The following SLC5A11 variants were observed in gnomAD, a reference collection of about 807,000 sequenced individuals.
SLC5A11 encodes the protein sodium/myo-inositol cotransporter 2.
SLC5A11 carries 48 observed loss-of-function variants against 69.8 expected under a neutral mutation model. That is an observed-to-expected ratio of 0.69 (90% CI 0.55 to 0.87). SLC5A11 has a LOEUF of 0.87. SLC5A11 is among the 40% of genes least tolerant of loss of function. The pLI is 0.00. For missense variants in SLC5A11, 784 were observed against 866.1 expected (o/e 0.91, Z 1.19); for synonymous variants, 319 against 342.4 (o/e 0.93, Z 0.75).
At chr16:24,854,416 C>T (rs1355522545) in intron 1 of SLC5A11, among the ~76,000 whole-genome samples, 2 of 151,294 alleles carry the variant, frequency 1.3e-5, no homozygotes, top group African/African-American at 2.5e-5. Context: ...CCATCACTCC[C>T]CCTGTAAAGT....
intron 7 of SLC5A11, among the ~76,000 whole-genome samples, chr16:24,883,582 C>T (rs190280159): frequency 1.2e-3 from 189 of 152,248 alleles, no homozygotes; most frequent in African/African-American, 4.4e-3. Flanking sequence ...AATTATAGTT[C>T]GGTGTTAGGT....
rs869210839 is a variant in SLC5A11, at chr16:24,896,942, C to CTTTTTTTTTTTTTTTTT, written c.871-1020_871-1004dup. Among the ~76,000 whole-genome samples the CTTTTTTTTTTTTTTTTT allele has an allele frequency of 1.5e-4, 15 of 97,092 alleles. 5 individuals carry two copies. The highest frequency in any genetic ancestry group is 1.9e-4 in the Non-Finnish European group (10 of 52,668). 63.7% of individuals were successfully genotyped at this position (97,092 alleles called of 152,430 possible). A position where few individuals can be genotyped will look rare whatever the true frequency, so the allele number is the denominator to read the frequency against. ...CACCAGGAGTTAGACAACCTCCTTC[C>CTTTTTTTTTTTTTTTTT]TTTTTTTTTTTTTTTTTTTTTTTTT... On this transcript the variant is annotated intron_variant, in intron 9 of 15. Coordinates refer to ENST00000347898, the Ensembl canonical transcript of SLC5A11.
At position 24,874,097 on chromosome 16, in the gene SLC5A11, G is replaced by C. The variant is rs2047512161; in HGVS notation, c.373-1530G>C. 2.0e-5 allele frequency among the ~76,000 whole-genome samples: 3 copies of C among 152,288 alleles called. No homozygotes were observed. The South Asian group carries it at 6.2e-4, about 32-fold the overall frequency. On this transcript the variant is annotated intron_variant, in intron 5 of 15. Transcript: ENST00000347898. ...CCACCTCAGTCTCCCAAAGTGCTGG[G>C]ATTACAGGTGTGAGCCACCGCACCC...
At chr16:24,850,307 C>G (rs2059245220) in intron 1 of SLC5A11, among the ~76,000 whole-genome samples, 2 of 152,232 alleles carry the variant, frequency 1.3e-5, no homozygotes, top group South Asian at 4.1e-4. Flanking sequence ...AACCCCATGG[C>G]ATCAACGGGT....
At chr16:24,855,544 T>G (rs1410457656) in intron 1 of SLC5A11, among the ~76,000 whole-genome samples, 4 of 151,862 alleles carry the variant, frequency 2.6e-5, no homozygotes, top group African/African-American at 9.7e-5. Flanking sequence ...GAAGTTGCAG[T>G]GAGCTGTGAT....
intron 7 of SLC5A11, among the ~76,000 whole-genome samples, chr16:24,880,872 C>T (rs892954201): frequency 3.3e-5 from 5 of 152,224 alleles, no homozygotes; most frequent in South Asian, 2.1e-4. Context: ...ACCTCGCCAA[C>T]GTCGGTTATC....
chr16:24,848,641 A>C (rs1439590186), intron 1 of SLC5A11, among the ~76,000 whole-genome samples: 1 of 152,108 alleles, frequency 6.6e-6, no homozygotes, highest in Admixed American at 6.6e-5. Flanking sequence ...GCATGTTGGC[A>C]TGTACCTGTG....
Position 24,901,956 on chromosome 16 carries a change from A to ACG in SLC5A11, c.1006+3849_1006+3850dup, listed in dbSNP as rs1555532930. 2.7e-4 allele frequency among the ~76,000 whole-genome samples: 26 copies of ACG among 95,836 alleles called. No individual in the cohort carries two copies. The East Asian group carries it at 5.4e-3, about 20-fold the overall frequency. 62.9% of individuals were successfully genotyped at this position (95,836 alleles called of 152,430 possible). A position where few individuals can be genotyped will look rare whatever the true frequency, so the allele number is the denominator to read the frequency against. On this transcript the variant is annotated intron_variant, in intron 10 of 15. Coordinates refer to ENST00000347898, the Ensembl canonical transcript of SLC5A11. The stretch of plus-strand genomic sequence containing the variant: ...TACACACACACACACACACACACAC[A>ACG]CGCACACACACACACACACACACAC...
At chr16:24,883,517 C>T in intron 7 of SLC5A11, among the ~76,000 whole-genome samples, 1 of 152,134 alleles carries the variant, frequency 6.6e-6, no homozygotes, top group East Asian at 1.9e-4. Flanking sequence ...TTTATTATTC[C>T]CCACAAGTCC....
At chr16:24,884,019 C>G in intron 7 of SLC5A11, 32 bp from the exon 9 acceptor site, 1 of 1,608,680 alleles carries the variant, frequency 6.2e-7, no homozygotes, top group Non-Finnish European at 8.5e-7. Context: ...CGTTAGACTC[C>G]CTGACCCTCA....
chr16:24,856,720 G>A (rs1053661605), intron 1 of SLC5A11, among the ~76,000 whole-genome samples: 2 of 150,526 alleles, frequency 1.3e-5, no homozygotes, highest in East Asian at 2.0e-4. Context: ...GTAGTGAGCC[G>A]AGATCAGGCC....
At chr16:24,867,467 G>A (rs1597055014) in intron 3 of SLC5A11, among the ~76,000 whole-genome samples, 1 of 152,016 alleles carries the variant, frequency 6.6e-6, no homozygotes, top group East Asian at 1.9e-4. Context: ...AACTAAAAAA[G>A]AAGGGCAAAT....
intron 10 of SLC5A11, among the ~76,000 whole-genome samples, chr16:24,899,427 CAG>C (rs1481262512): frequency 1.3e-5 from 2 of 151,120 alleles, no homozygotes; most frequent in African/African-American, 2.4e-5. Flanking sequence ...TTTTTTTTGA[CAG>C]AGTCTCACTC....
intron 11 of SLC5A11, 97 bp from the exon 13 acceptor site, chr16:24,906,928 G>A (rs188350661): frequency 7.6e-5 from 115 of 1,522,504 alleles, no homozygotes; most frequent in African/African-American, 7.0e-4. Context: ...CTGCCCCGCC[G>A]TCCTCCCTGA....
At chr16:24,894,060 A>T (rs968570888) in intron 9 of SLC5A11, among the ~76,000 whole-genome samples, 7 of 152,232 alleles carry the variant, frequency 4.6e-5, no homozygotes. Context: ...ACACCTGAAA[A>T]GCAAGCACAG....
intron 1 of SLC5A11, among the ~76,000 whole-genome samples, chr16:24,850,055 A>T (rs2059231604): frequency 6.6e-6 from 1 of 152,000 alleles, no homozygotes; most frequent in Non-Finnish European, 1.5e-5. Flanking sequence ...CTTCTGCCTC[A>T]GCCTCCCAAA....
intron 3 of SLC5A11, 135 bp downstream of exon 4, chr16:24,862,807 T>C (rs2046660963): frequency 5.2e-6 from 3 of 572,950 alleles, no homozygotes; most frequent in African/African-American, 1.9e-5. Flanking sequence ...AGAGAAGGCT[T>C]AGCTCCAGCT....
intron 4 of SLC5A11, among the ~76,000 whole-genome samples, chr16:24,871,855 T>G (rs909951127): frequency 2.0e-5 from 3 of 152,136 alleles, no homozygotes; most frequent in African/African-American, 7.2e-5. Context: ...GTCATGGTCT[T>G]GTTTTAATCA....
intron 6 of SLC5A11, 161 bp from the exon 8 acceptor site, chr16:24,877,097 C>A: frequency 1.3e-6 from 2 of 1,486,930 alleles, no homozygotes; most frequent in South Asian, 2.7e-5. Context: ...AGCTGAAGAC[C>A]CCTGATCTGG....
Sources: allele counts gnomAD v4.1 joint callset (sites outside exome capture counted in the v4.1 genomes callset), GRCh38; gene constraint gnomAD v4.1.1; transcripts MANE v1.5; gene names NCBI Gene and HGNC (gene_info 2026-07-23, HGNC 2026-07-21).